EFCAB13: variants seen among roughly 807,000 people sequenced by gnomAD.
The protein encoded by EFCAB13 is EF-hand calcium-binding domain-containing protein 13.
Under a neutral mutation model 110.2 loss-of-function variants are expected in EFCAB13, and 91 were observed. That is an observed-to-expected ratio of 0.83 (90% CI 0.70 to 0.98). The LOEUF (loss-of-function observed/expected upper bound fraction) is 0.98. Among genes scored for constraint, EFCAB13 ranks in the 50% least tolerant of loss-of-function variants. EFCAB13 has a pLI of 0.00. For synonymous variants in EFCAB13, 323 were observed against 369.9 expected (o/e 0.87, Z 1.45); for missense variants, 968 against 1,119.4 (o/e 0.86, Z 1.93).
intron 21 of EFCAB13, among the ~76,000 whole-genome samples, chr17:47,412,055 C>G (rs936103924): frequency 6.6e-6 from 1 of 152,218 alleles, no homozygotes; most frequent in Admixed American, 6.5e-5. Flanking sequence ...GATGGCACCA[C>G]TGCACTCCAG....
chr17:47,375,235 T>C (rs574095280), intron 12 of EFCAB13, among the ~76,000 whole-genome samples: 1 of 152,326 alleles, frequency 6.6e-6, no homozygotes, highest in East Asian at 1.9e-4. Context: ...TCTGGAAATG[T>C]ACAGTAGTGA....
intron 12 of EFCAB13, among the ~76,000 whole-genome samples, chr17:47,376,834 A>C (rs2065618008): frequency 6.6e-6 from 1 of 152,154 alleles, no homozygotes. Context: ...TCAATTTTTC[A>C]TGACCTTGAC....
At chr17:47,373,389 T>G (rs896972346) in intron 11 of EFCAB13, among the ~76,000 whole-genome samples, 1 of 152,222 alleles carries the variant, frequency 6.6e-6, no homozygotes, top group African/African-American at 2.4e-5. Flanking sequence ...GAACTTTCTC[T>G]AGACAATTAG....
chr17:47,342,099 T>C, intron 6 of EFCAB13, 67 bp downstream of exon 6: 1 of 884,186 alleles, frequency 1.1e-6, no homozygotes, highest in Non-Finnish European at 1.8e-6. Flanking sequence ...AACATTCCCT[T>C]AAATTTTTTA....
chr17:47,419,097 A>G (rs548073418), intron 23 of EFCAB13, among the ~76,000 whole-genome samples: 6 of 152,330 alleles, frequency 3.9e-5, no homozygotes, highest in Admixed American at 6.5e-5. Context: ...AGTAAAAATT[A>G]AGCAACATAA....
chr17:47,349,759 CTTTTTTTT>C (rs1162133822), intron 9 of EFCAB13, among the ~76,000 whole-genome samples: 43 of 76,160 alleles, frequency 5.6e-4, no homozygotes, highest in East Asian at 2.9e-3. Context: ...GCTGATGTTT[CTTTTTTTT>C]TTTTTTTTTT....
At chr17:47,344,579 A>G (rs1355319401) in intron 7 of EFCAB13, among the ~76,000 whole-genome samples, 3 of 152,160 alleles carry the variant, frequency 2.0e-5, no homozygotes, top group African/African-American at 4.8e-5. Flanking sequence ...GTCTTCCAAC[A>G]CTAACATTAT....
intron 17 of EFCAB13, among the ~76,000 whole-genome samples, chr17:47,397,954 C>A (rs567866615): frequency 6.7e-6 from 1 of 149,346 alleles, no homozygotes; most frequent in South Asian, 2.1e-4. Context: ...CCGCCCCGTC[C>A]GGGAGGGAGG....
rs999876807 is a variant in EFCAB13 at position 47,370,501 on chromosome 17, G to A, written c.870G>A (p.Glu290=). The A allele has an allele frequency of 2.5e-6, 4 of 1,603,684 alleles. No individual in the cohort carries two copies. The highest frequency in any genetic ancestry group is 8.5e-7 in the Non-Finnish European group (1 of 1,171,968). The change falls in exon 11 of 25, where the codon GAG becomes GAA. Residue 290 remains glutamate, a synonymous_variant. Coordinates refer to ENST00000331493, the MANE Select transcript of EFCAB13 (RefSeq NM_152347.5). ...FTLNELQEQY[E]DVSITEGSPL... ...TGAATGAGCTACAGGAACAGTATGA[G>A]GATGTTTGTAAGTGAGCTCTTGTTG...
chr17:47,374,932 T>A lies in EFCAB13; in HGVS notation c.1338T>A (p.Val446=). The A allele has an allele frequency of 6.3e-7, 1 of 1,587,122 alleles. No homozygotes were observed. Among genetic ancestry groups the A allele is most frequent in the Non-Finnish European group, 8.5e-7 (1 of 1,172,214 alleles). ...VRKHSSLQKQ[V]SSTEKTAIST... ...AGCATTCCAGTCTCCAAAAACAGGT[T>A]TCGTCTACGGAAAAAACTGCAATTA... Residue 446 remains valine (V), a synonymous_variant, in exon 12 of 25, where the codon GTT becomes GTA. Coordinates refer to ENST00000331493, the MANE Select transcript of EFCAB13 (RefSeq NM_152347.5).
chr17:47,334,868 T>C (rs1028636758), intron 4 of EFCAB13, among the ~76,000 whole-genome samples: 1 of 152,092 alleles, frequency 6.6e-6, no homozygotes, highest in African/African-American at 2.4e-5. Flanking sequence ...TGAGCCATGA[T>C]TGCACCACGG....
At position 47,335,233 on chromosome 17, in the gene EFCAB13, A is replaced by G; in HGVS notation, c.68A>G (p.Asn23Ser). ...ATTGACTTATTAGATGATGGCTCTA[A>G]TTCTTTTGCAACTGACTTGTCATCA... ...ENIDLLDDGS[N>S]SFATDLSSGT... Residue 23 changes from asparagine to serine, a missense_variant, in exon 5 of 25, where the codon AAT becomes AGT. Physicochemically the swap from Asn to Ser is conservative, Grantham distance 46. Transcript: ENST00000331493. 6.2e-7 allele frequency: 1 copy of G among 1,610,434 alleles called. No individual in the cohort carries two copies. The highest frequency in any genetic ancestry group is 8.5e-7 in the Non-Finnish European group (1 of 1,179,032).
chr17:47,404,509 A>G, intron 19 of EFCAB13, 53 bp from the exon 20 acceptor site: 1 of 1,343,426 alleles, frequency 7.4e-7, no homozygotes, highest in Non-Finnish European at 1.1e-6. Context: ...CTAGCCTTTA[A>G]GTATTACTTT....
chr17:47,432,225 C>T (rs569858881), intron 24 of EFCAB13, among the ~76,000 whole-genome samples: 12 of 151,974 alleles, frequency 7.9e-5, no homozygotes, highest in Admixed American at 4.6e-4. Context: ...AGTGAAACCC[C>T]GTCCCTACTA....
intron 23 of EFCAB13, among the ~76,000 whole-genome samples, chr17:47,422,749 C>T (rs1340421026): frequency 6.6e-6 from 1 of 151,948 alleles, no homozygotes; most frequent in Non-Finnish European, 1.5e-5. Flanking sequence ...TAAAGAAAAA[C>T]CTAAATAAAT....
At chr17:47,364,929 A>C (rs1406485129) in intron 10 of EFCAB13, among the ~76,000 whole-genome samples, 3 of 152,212 alleles carry the variant, frequency 2.0e-5, no homozygotes, top group Admixed American at 6.5e-5. Flanking sequence ...CCTTCTTGCC[A>C]AATAGCTGTT....
chr17:47,374,763 A>T lies in EFCAB13; in HGVS notation c.1169A>T (p.Asn390Ile), dbSNP rs2143361926. Residue 390 changes from asparagine to isoleucine, a missense_variant, in exon 12 of 25, where the codon AAC becomes ATC. Physicochemically the swap from Asn to Ile is moderately radical, Grantham distance 149. Coordinates refer to ENST00000331493, the MANE Select transcript of EFCAB13 (RefSeq NM_152347.5). ...VQEPYSKNGI[N>I]FKKHSEKGEI... Reference sequence around the variant, plus strand: ...GAACCATATTCAAAGAATGGCATAAACTTTAAAAAACATTCAGAGAAGGGT... The same window carrying T: ...GAACCATATTCAAAGAATGGCATAATCTTTAAAAAACATTCAGAGAAGGGT... The T allele has an allele frequency of 6.2e-7, 1 of 1,614,076 alleles. No individual in the cohort carries two copies. Among genetic ancestry groups the T allele is most frequent in the East Asian group, 2.2e-5 (1 of 44,846 alleles).
intron 9 of EFCAB13, among the ~76,000 whole-genome samples, chr17:47,359,688 A>C (rs1033356260): frequency 2.0e-5 from 3 of 150,082 alleles, no homozygotes; most frequent in African/African-American, 7.4e-5. Context: ...GGTTAGTTAC[A>C]TATGTATACA....
rs1397551710 is a variant in EFCAB13, at chr17:47,431,357, TG to T, written c.2638+1397del. 2.0e-5 allele frequency among the ~76,000 whole-genome samples: 3 copies of T among 151,978 alleles called. No individual in the cohort carries two copies. Among genetic ancestry groups the T allele is most frequent in the Non-Finnish European group, 4.4e-5 (3 of 67,954 alleles). On this transcript the variant is annotated intron_variant, in intron 24 of 24. Transcript: ENST00000331493. This position sits in a 1 kb window ranked among gnomAD's most constrained non-coding sequence, Gnocchi z 4.1. ...AGGGTGAATATATCCCAATTTCTAG[TG>T]ATGAATATTTAGCTCAATAATTTTA...
Sources: gnomAD v4.1 joint callset for allele counts (sites outside exome capture counted in the v4.1 genomes callset) on GRCh38, gnomAD v4.1.1 for gene constraint, Gnocchi (gnomAD v3.1) non-coding constraint, MANE v1.5 for transcripts, NCBI Gene and HGNC (gene_info 2026-07-23, HGNC 2026-07-21) for gene names.